Variants in UBASH3B observed in about 807,000 individuals in gnomAD.
The protein encoded by UBASH3B is ubiquitin-associated and SH3 domain-containing protein B.
A neutral mutation model predicts 83.4 loss-of-function variants in UBASH3B; 37 were observed. The ratio of observed to expected loss-of-function variants is 0.44; its 90% CI spans 0.34 to 0.58. The LOEUF is 0.58. UBASH3B is among the 20% of genes least tolerant of loss of function. UBASH3B has a pLI of 0.01. For synonymous variants in UBASH3B, 304 were observed against 318.3 expected, an observed-to-expected ratio of 0.96 and a Z score of 0.48; for missense variants, 657 against 827.2, an observed-to-expected ratio of 0.79 and a Z score of 2.52.
chr11:122,746,628 A>C (rs748835447), intron 1 of UBASH3B, among the ~76,000 whole-genome samples: 17 of 152,234 alleles, frequency 1.1e-4, no homozygotes, highest in African/African-American at 1.4e-4. Context: ...TAGAGATAAG[A>C]CTGGAAGGGC....
intron 3 of UBASH3B, among the ~76,000 whole-genome samples, chr11:122,778,686 C>A (rs548530311): frequency 2.6e-5 from 4 of 151,296 alleles, no homozygotes; most frequent in South Asian, 4.2e-4. Context: ...CTCACTGCAA[C>A]CTCTGCTTCC....
At chr11:122,789,710 T>C (rs1185546649) in intron 6 of UBASH3B, among the ~76,000 whole-genome samples, 1 of 152,118 alleles carries the variant, frequency 6.6e-6, no homozygotes, top group Non-Finnish European at 1.5e-5. Context: ...TCCAGACCAA[T>C]AGAGAAGGGG....
intron 1 of UBASH3B, among the ~76,000 whole-genome samples, chr11:122,690,000 G>A (rs1863861704): frequency 6.6e-6 from 1 of 151,258 alleles, no homozygotes; most frequent in Non-Finnish European, 1.5e-5. Flanking sequence ...GGTTTTCTTG[G>A]AAGTCTCATT....
At chr11:122,757,060 A>G (rs1817374701) in intron 1 of UBASH3B, among the ~76,000 whole-genome samples, 1 of 152,214 alleles carries the variant, frequency 6.6e-6, no homozygotes, top group South Asian at 2.1e-4. Flanking sequence ...GTATCTTAAT[A>G]TATATACTAT....
chr11:122,773,727 AT>A (rs1006217926), intron 1 of UBASH3B, among the ~76,000 whole-genome samples: 2 of 151,840 alleles, frequency 1.3e-5, no homozygotes, highest in African/African-American at 4.8e-5. Context: ...ATCTTTTTCA[AT>A]TTTTTCTTTG....
At position 122,744,797 on chromosome 11, in the gene UBASH3B, A is replaced by G. The variant is rs190335888; in HGVS notation, c.162-31422A>G. On this transcript the variant is annotated intron_variant, in intron 1 of 13. Coordinates refer to ENST00000284273, the MANE Select transcript of UBASH3B (RefSeq NM_032873.5). ...TGCTATATGAGTGATCATGTGTGTG[A>G]CTGTGTGATCGTGTGTGATTATATA... is the stretch of plus-strand genomic sequence containing the variant. Among the ~76,000 whole-genome samples the G allele has an allele frequency of 3.1e-3, 457 of 148,390 alleles. 4 individuals carry two copies. The highest frequency in any genetic ancestry group is 0.011 in the African/African-American group (433 of 40,058).
chr11:122,737,150 CA>C (rs1467091915), intron 1 of UBASH3B, among the ~76,000 whole-genome samples: 2 of 152,072 alleles, frequency 1.3e-5, no homozygotes, highest in African/African-American at 4.8e-5. Context: ...AGCATACAGG[CA>C]AATTAGCCAT....
At chr11:122,773,347 C>A (rs896528173) in intron 1 of UBASH3B, among the ~76,000 whole-genome samples, 1 of 152,240 alleles carries the variant, frequency 6.6e-6, no homozygotes, top group African/African-American at 2.4e-5. Flanking sequence ...CGATGCCAGC[C>A]TGGCAGTGGG....
At chr11:122,788,309 C>T (rs1480484235) in intron 5 of UBASH3B, among the ~76,000 whole-genome samples, 1 of 152,192 alleles carries the variant, frequency 6.6e-6, no homozygotes, top group Non-Finnish European at 1.5e-5. Context: ...TGACTCACAC[C>T]TGTAATCTCA....
chr11:122,809,960 C>A lies in UBASH3B; in HGVS notation c.*74C>A. 6.5e-7 allele frequency: 1 copy of A among 1,532,520 alleles called. No individual in the cohort carries two copies. The highest frequency in any genetic ancestry group is 1.2e-5 in the South Asian group (1 of 84,376). The allele number at this position is 1,532,520 out of a possible 1,614,324, so 94.9% of individuals were successfully genotyped here. ...GTGTGTTTAAAAACAGTGGGAAAAT[C>A]CACACCACACTCTAAGTGGACAGCT... is the stretch of plus-strand genomic sequence containing the variant. On this transcript the variant is annotated 3_prime_UTR_variant, in exon 14 of 14. Coordinates refer to ENST00000284273, the MANE Select transcript of UBASH3B (RefSeq NM_032873.5).
chr11:122,712,530 G>C (rs918774224), intron 1 of UBASH3B, among the ~76,000 whole-genome samples: 3 of 152,080 alleles, frequency 2.0e-5, no homozygotes, highest in Non-Finnish European at 4.4e-5. Flanking sequence ...ATAAACCAGG[G>C]TCCTGTTGGT....
intron 1 of UBASH3B, among the ~76,000 whole-genome samples, chr11:122,661,077 G>A (rs1863432075): frequency 6.6e-6 from 1 of 152,188 alleles, no homozygotes; most frequent in Admixed American, 6.6e-5. Context: ...ATGTGATTGG[G>A]GCATTATTGT....
chr11:122,779,772 G>A, intron 4 of UBASH3B, 77 bp downstream of exon 4: 1 of 1,561,528 alleles, frequency 6.4e-7, no homozygotes, highest in Non-Finnish European at 8.8e-7. Flanking sequence ...AGGAAATAGT[G>A]GTAGAGGAGC....
chr11:122,768,901 G>A (rs1329202102), intron 1 of UBASH3B, among the ~76,000 whole-genome samples: 3 of 152,232 alleles, frequency 2.0e-5, no homozygotes, highest in Middle Eastern at 3.4e-3. Context: ...TAATCACAAC[G>A]TCTAAAACCA....
intron 1 of UBASH3B, 90 bp downstream of exon 1, chr11:122,656,300 G>A: frequency 8.1e-7 from 1 of 1,229,914 alleles, no homozygotes. Flanking sequence ...CAGCGCCTGC[G>A]GGACAGGCAG....
intron 9 of UBASH3B, among the ~76,000 whole-genome samples, chr11:122,798,018 C>T (rs1861183470): frequency 6.6e-6 from 1 of 152,110 alleles, no homozygotes; most frequent in Non-Finnish European, 1.5e-5. Context: ...GGCGTGATGG[C>T]TCTCACCTAT....
At position 122,806,390 on chromosome 11, in the gene UBASH3B, TG is replaced by T. The variant is rs1861340148; in HGVS notation, c.1596-19del. Reference sequence around the variant, plus strand: ...AAGATCAAAATGTTTTCATTTCCTTTGTTCATTTTTCTATTACAGACCTCAC... The same window carrying T: ...AAGATCAAAATGTTTTCATTTCCTTTTTCATTTTTCTATTACAGACCTCAC... On this transcript the variant is annotated intron_variant, in intron 11 of 13. Coordinates refer to ENST00000284273, the MANE Select transcript of UBASH3B (RefSeq NM_032873.5). The surrounding 1 kb of genome is among the most constrained non-coding windows in gnomAD (Gnocchi z 4.0). The T allele has an allele frequency of 1.9e-6, 3 of 1,580,708 alleles. No individual in the cohort carries two copies. The East Asian group carries it at 6.8e-5, about 36-fold the overall frequency.
At chr11:122,663,224 G>A (rs898443553) in intron 1 of UBASH3B, among the ~76,000 whole-genome samples, 2 of 152,174 alleles carry the variant, frequency 1.3e-5, no homozygotes, top group Admixed American at 1.3e-4. Flanking sequence ...CAATCCGCCT[G>A]CTTTGGTCTC....
chr11:122,662,694 G>T lies in UBASH3B; in HGVS notation c.161+6484G>T, dbSNP rs530359562. ...GATCCGCCCGCCTCGGCCTCCCAAA[G>T]TGCTGGGATTACAGGCATGAGACAC... On this transcript the variant is annotated intron_variant, in intron 1 of 13. Transcript: ENST00000284273. Among the ~76,000 whole-genome samples the T allele has an allele frequency of 5.9e-5, 9 of 152,206 alleles. No homozygotes were observed. The South Asian group carries it at 1.9e-3, about 32-fold the overall frequency.
Sources: allele counts gnomAD v4.1 joint callset (sites outside exome capture counted in the v4.1 genomes callset), GRCh38; gene constraint gnomAD v4.1.1; non-coding constraint Gnocchi (gnomAD v3.1); transcripts MANE v1.5; gene names NCBI Gene and HGNC (gene_info 2026-07-23, HGNC 2026-07-21).